Variants in DTNA observed in about 807,000 individuals in gnomAD.
DTNA encodes the protein dystrobrevin alpha.
A neutral mutation model predicts 100.7 loss-of-function variants in DTNA; 43 were observed. The ratio of observed to expected loss-of-function variants is 0.43; its 90% CI spans 0.33 to 0.55. DTNA has a LOEUF of 0.55. Ranked by LOEUF, DTNA falls within the 20% of genes least tolerant of loss-of-function variation. The pLI, the probability that DTNA is intolerant of heterozygous loss-of-function variation, is 0.04. For synonymous variants in DTNA, 349 were observed against 347.9 expected (o/e 1.00, Z -0.04); for missense variants, 798 against 953.9 (o/e 0.84, Z 2.15).
intron 1 of DTNA, among the ~76,000 whole-genome samples, chr18:34,665,612 C>A (rs980325649): frequency 2.6e-5 from 4 of 152,116 alleles, no homozygotes; most frequent in African/African-American, 9.7e-5. Flanking sequence ...TGTGATGTTC[C>A]CCTTCCTGTG....
At chr18:34,611,729 C>G (rs1295853467) in intron 1 of DTNA, among the ~76,000 whole-genome samples, 1 of 152,098 alleles carries the variant, frequency 6.6e-6, no homozygotes, top group Non-Finnish European at 1.5e-5. Context: ...CTGGTTCTCC[C>G]CTTAGCTGTG....
At chr18:34,703,576 A>T (rs2081689285) in intron 1 of DTNA, among the ~76,000 whole-genome samples, 2 of 152,128 alleles carry the variant, frequency 1.3e-5, no homozygotes, top group Admixed American at 6.6e-5. Context: ...GGCCTGATGG[A>T]GAACTGACCA....
At chr18:34,811,809 A>G (rs1156738136) in intron 5 of DTNA, 150 bp from the exon 6 acceptor site, 1 of 894,154 alleles carries the variant, frequency 1.1e-6, no homozygotes, top group South Asian at 1.6e-5. Flanking sequence ...TATGCCAGGA[A>G]TATTTCAGCA....
chr18:34,816,352 ACG>A (rs1286923845), intron 7 of DTNA, among the ~76,000 whole-genome samples: 1 of 152,114 alleles, frequency 6.6e-6, no homozygotes, highest in Non-Finnish European at 1.5e-5. Flanking sequence ...ATTTGCATAC[ACG>A]GTACTGATTA....
intron 1 of DTNA, among the ~76,000 whole-genome samples, chr18:34,750,812 T>C (rs920964517): frequency 9.2e-5 from 14 of 152,214 alleles, no homozygotes; most frequent in Admixed American, 8.5e-4. Flanking sequence ...GTAATAGTAA[T>C]GTGTATTTAT....
At chr18:34,594,611 G>A (rs2050212478) in intron 1 of DTNA, among the ~76,000 whole-genome samples, 1 of 152,088 alleles carries the variant, frequency 6.6e-6, no homozygotes, top group African/African-American at 2.4e-5. Flanking sequence ...AACAATGAAG[G>A]GCTTCTTATG....
intron 1 of DTNA, among the ~76,000 whole-genome samples, chr18:34,720,944 G>A (rs1263524543): frequency 2.0e-5 from 3 of 152,220 alleles, no homozygotes; most frequent in African/African-American, 7.2e-5. Flanking sequence ...CAAATGTTAT[G>A]TGTAGTTGGT....
Position 34,890,872 on chromosome 18 carries a change from A to G in DTNA, c.*3138A>G, listed in dbSNP as rs559322984. ...TTATATGCATGAGCCAAACTGTTGC[A>G]TCATAATTTAGCACTGATGTCTGCT... is the stretch of plus-strand genomic sequence containing the variant. On this transcript the variant is annotated 3_prime_UTR_variant, in exon 23 of 23. Transcript: ENST00000444659. The G allele has an allele frequency of 6.4e-4, 102 of 160,608 alleles. 1 individual carries two copies. The highest frequency in any genetic ancestry group is 1.2e-3 in the Non-Finnish European group (90 of 72,962). The allele number at this position is 160,608 out of a possible 1,614,324, so 9.9% of individuals were successfully genotyped here. A position where few individuals can be genotyped will look rare whatever the true frequency, so the allele number is the denominator to read the frequency against.
chr18:34,662,233 C>T (rs938140501), intron 1 of DTNA, among the ~76,000 whole-genome samples: 34 of 151,064 alleles, frequency 2.3e-4, no homozygotes, highest in African/African-American at 7.8e-4. Context: ...GAACATATTT[C>T]TTGGAGGCAG....
At chr18:34,622,938 C>G (rs1403414121) in intron 1 of DTNA, among the ~76,000 whole-genome samples, 1 of 152,180 alleles carries the variant, frequency 6.6e-6, no homozygotes. Flanking sequence ...AAATCCTCTC[C>G]CATATATCTG....
chr18:34,791,587 A>G (rs1472750257), intron 3 of DTNA, among the ~76,000 whole-genome samples: 2 of 152,216 alleles, frequency 1.3e-5, no homozygotes, highest in African/African-American at 4.8e-5. Flanking sequence ...TTGGATAAAT[A>G]ACACCAAGAA....
intron 1 of DTNA, among the ~76,000 whole-genome samples, chr18:34,504,337 C>G (rs1370695474): frequency 6.6e-6 from 1 of 152,168 alleles, no homozygotes; most frequent in Non-Finnish European, 1.5e-5. Context: ...CCTGTACATA[C>G]ATTTGGAACC....
At chr18:34,663,012 G>A (rs764931267) in intron 1 of DTNA, 4 of 152,116 alleles carry the variant, frequency 2.6e-5, no homozygotes, top group Non-Finnish European at 4.4e-5. Flanking sequence ...TATTACTAGG[G>A]GTTGAAGGCA....
At chr18:34,756,835 A>G (rs1453319132) in intron 2 of DTNA, among the ~76,000 whole-genome samples, 4 of 152,156 alleles carry the variant, frequency 2.6e-5, no homozygotes, top group Non-Finnish European at 5.9e-5. Context: ...TGAATATTAT[A>G]AAGGAAAAAG....
At chr18:34,628,131 C>T (rs543938853) in intron 1 of DTNA, among the ~76,000 whole-genome samples, 95 of 152,226 alleles carry the variant, frequency 6.2e-4, no homozygotes, top group Non-Finnish European at 1.3e-3. Context: ...TAAGAAGACT[C>T]AAGTTATCTA....
chr18:34,544,188 A>C (rs1411892311), intron 1 of DTNA, among the ~76,000 whole-genome samples: 1 of 152,106 alleles, frequency 6.6e-6, no homozygotes, highest in Non-Finnish European at 1.5e-5. Context: ...AAGGACTAGC[A>C]GAGGTTGGGC....
At chr18:34,874,561 G>A (rs2096796332) in intron 17 of DTNA, among the ~76,000 whole-genome samples, 1 of 152,094 alleles carries the variant, frequency 6.6e-6, no homozygotes. Context: ...TGTCCTGCTA[G>A]AATACTGCTT....
At chr18:34,828,088 A>T (rs2095903058) in intron 10 of DTNA, among the ~76,000 whole-genome samples, 1 of 152,212 alleles carries the variant, frequency 6.6e-6, no homozygotes, top group African/African-American at 2.4e-5. Flanking sequence ...GATACAAAAG[A>T]ATCCTTTGTT....
intron 14 of DTNA, 63 bp downstream of exon 14, chr18:34,848,446 A>G: frequency 3.3e-6 from 5 of 1,515,526 alleles, no homozygotes; most frequent in Non-Finnish European, 2.7e-6. Flanking sequence ...TTTATATGTC[A>G]TGTTTATTGT....
Sources: gnomAD v4.1 joint callset for allele counts (sites outside exome capture counted in the v4.1 genomes callset) on GRCh38, gnomAD v4.1.1 for gene constraint, MANE v1.5 for transcripts, NCBI Gene and HGNC (gene_info 2026-07-23, HGNC 2026-07-21) for gene names.